Variants in GPR141 observed in about 807,000 individuals in gnomAD.
GPR141 encodes probable G protein-coupled receptor 141.
In GPR141, 6 loss-of-function variants were observed where a neutral mutation model predicts 6.8. The observed-to-expected ratio is 0.88, with a 90% CI of 0.48 to 1.74. The LOEUF is 1.74. Among genes scored for constraint, GPR141 ranks in the 40% most tolerant of loss-of-function variants. The pLI is 0.01. For synonymous variants in GPR141, 140 were observed against 142.3 expected (o/e 0.98, Z 0.11); for missense variants, 372 against 372.9 (o/e 1.00, Z 0.02).
chr7:37,707,383 G>A (rs1165214162), intron 2 of GPR141, among the ~76,000 whole-genome samples: 1 of 152,066 alleles, frequency 6.6e-6, no homozygotes, highest in African/African-American at 2.4e-5. Flanking sequence ...ACTGTACTCT[G>A]AGCTTCCCTG....
At chr7:37,695,432 A>G (rs1416997525) in intron 2 of GPR141, among the ~76,000 whole-genome samples, 1 of 152,306 alleles carries the variant, frequency 6.6e-6, no homozygotes, top group Middle Eastern at 3.4e-3. Flanking sequence ...AATGCCTGTG[A>G]GGACTGTAGA....
intron 2 of GPR141, among the ~76,000 whole-genome samples, chr7:37,700,439 A>G (rs1388511653): frequency 6.6e-6 from 1 of 152,148 alleles, no homozygotes; most frequent in African/African-American, 2.4e-5. Flanking sequence ...TACCGCCACC[A>G]TGTCAGATTG....
chr7:37,697,919 C>G (rs868431184), intron 2 of GPR141, among the ~76,000 whole-genome samples: 2 of 152,072 alleles, frequency 1.3e-5, no homozygotes, highest in African/African-American at 2.4e-5. Context: ...AACTAACAGC[C>G]GATCTGAGGG....
intron 2 of GPR141, among the ~76,000 whole-genome samples, chr7:37,693,837 C>T (rs886337670): frequency 1.3e-5 from 2 of 152,302 alleles, no homozygotes; most frequent in Admixed American, 6.5e-5. Context: ...AGCTCAGCCA[C>T]TGCTGTTTCC....
chr7:37,692,655 A>G (rs973730002), intron 2 of GPR141, among the ~76,000 whole-genome samples: 3 of 152,172 alleles, frequency 2.0e-5, no homozygotes, highest in Admixed American at 1.3e-4. Flanking sequence ...CCTCTCCAGC[A>G]TCTGTTGTTT....
intron 2 of GPR141, among the ~76,000 whole-genome samples, chr7:37,724,508 A>C (rs1811526261): frequency 6.6e-6 from 1 of 152,178 alleles, no homozygotes; most frequent in South Asian, 2.1e-4. Flanking sequence ...ACACTGCTTC[A>C]GATATTTTCA....
chr7:37,690,399 A>AT (rs774165294), intron 2 of GPR141, among the ~76,000 whole-genome samples: 1 of 152,058 alleles, frequency 6.6e-6, no homozygotes, highest in Non-Finnish European at 1.5e-5. Flanking sequence ...AGATCCACTC[A>AT]TTTAAGTGTG....
At chr7:37,705,288 G>A (rs1810477416) in intron 2 of GPR141, among the ~76,000 whole-genome samples, 2 of 152,138 alleles carry the variant, frequency 1.3e-5, no homozygotes, top group Non-Finnish European at 2.9e-5. Context: ...TTCTGCCATA[G>A]AAAATAATAC....
At chr7:37,707,674 A>T (rs11535191) in intron 2 of GPR141, among the ~76,000 whole-genome samples, 3 of 152,144 alleles carry the variant, frequency 2.0e-5, no homozygotes, top group Non-Finnish European at 2.9e-5. Context: ...ATTGCCCAAG[A>T]TGGCCCAGCT....
At chr7:37,732,687 A>G (rs952912861) in intron 2 of GPR141, among the ~76,000 whole-genome samples, 1 of 152,210 alleles carries the variant, frequency 6.6e-6, no homozygotes, top group African/African-American at 2.4e-5. Context: ...TAAATAGGTT[A>G]TGAAGATAAT....
At chr7:37,726,522 A>G (rs1811633844) in intron 2 of GPR141, among the ~76,000 whole-genome samples, 1 of 152,180 alleles carries the variant, frequency 6.6e-6, no homozygotes, top group Non-Finnish European at 1.5e-5. Flanking sequence ...TTTACACAAA[A>G]CATTTACAAT....
intron 2 of GPR141, among the ~76,000 whole-genome samples, chr7:37,715,917 T>G (rs1811026133): frequency 6.6e-6 from 1 of 152,168 alleles, no homozygotes; most frequent in Admixed American, 6.5e-5. Context: ...TCATTCTGAT[T>G]AAACCACCAT....
intron 2 of GPR141, among the ~76,000 whole-genome samples, chr7:37,702,035 A>G (rs10241632): frequency 0.34 from 51,279 of 151,970 alleles, 8,806 homozygotes; most frequent in Middle Eastern, 0.39. Context: ...AATGACATAG[A>G]CATACCAATT....
chr7:37,716,232 C>T (rs1244426876), intron 2 of GPR141, among the ~76,000 whole-genome samples: 5 of 152,246 alleles, frequency 3.3e-5, no homozygotes, highest in Middle Eastern at 3.4e-3. Flanking sequence ...AGACATAGTT[C>T]CTGTCCAGGC....
chr7:37,685,626 T>A (rs1021808512), intron 2 of GPR141, 43 bp downstream of exon 2: 108 of 151,846 alleles, frequency 7.1e-4, no homozygotes, highest in African/African-American at 2.4e-3. Context: ...TTTTTTTTTT[T>A]AAATAGAGAC....
At chr7:37,695,713 T>G (rs931348093) in intron 2 of GPR141, among the ~76,000 whole-genome samples, 1 of 152,248 alleles carries the variant, frequency 6.6e-6, no homozygotes, top group Non-Finnish European at 1.5e-5. Context: ...TTCATTGTTT[T>G]GTCTGTCTTT....
At chr7:37,734,034 G>A (rs552006627) in intron 2 of GPR141, among the ~76,000 whole-genome samples, 34 of 152,074 alleles carry the variant, frequency 2.2e-4, no homozygotes, top group African/African-American at 7.7e-4. Context: ...TAGGCCAGGC[G>A]TGGTGGTGCA....
intron 2 of GPR141, among the ~76,000 whole-genome samples, chr7:37,729,671 G>A (rs1811821179): frequency 6.6e-6 from 1 of 152,200 alleles, no homozygotes; most frequent in African/African-American, 2.4e-5. Context: ...GAATGTCCCG[G>A]GGGCCTGAAG....
intron 2 of GPR141, among the ~76,000 whole-genome samples, chr7:37,717,728 A>C (rs1811115635): frequency 1.3e-5 from 2 of 152,128 alleles, no homozygotes; most frequent in African/African-American, 4.8e-5. Context: ...TTTTACCTTC[A>C]TGAATTTCTA....
Sources: gnomAD v4.1 joint callset for allele counts (sites outside exome capture counted in the v4.1 genomes callset) on GRCh38, gnomAD v4.1.1 for gene constraint, MANE v1.5 for transcripts, NCBI Gene and HGNC (gene_info 2026-07-23, HGNC 2026-07-21) for gene names.